The following SUMF1 variants were observed in gnomAD, a reference collection of about 807,000 sequenced individuals.
SUMF1 encodes the protein sulfatase modifying factor 1.
In SUMF1, 48 loss-of-function variants were observed where a neutral mutation model predicts 47.6. That is an observed-to-expected ratio of 1.01 (90% CI 0.80 to 1.28). The LOEUF is 1.28. SUMF1 is among the 50% of genes most tolerant of loss of function. The pLI, the probability that SUMF1 is intolerant of heterozygous loss-of-function variation, is 0.00. For missense variants in SUMF1, 571 were observed against 485.4 expected, an observed-to-expected ratio of 1.18 and a Z score of -1.66; for synonymous variants, 230 against 192.1, an observed-to-expected ratio of 1.20 and a Z score of -1.63.
At chr3:4,439,404 T>A (rs188285761) in intron 3 of SUMF1, among the ~76,000 whole-genome samples, 2 of 152,022 alleles carry the variant, frequency 1.3e-5, no homozygotes, top group East Asian at 3.9e-4. Context: ...CGCACTCCTA[T>A]AGTCCCAGCT....
intron 8 of SUMF1, among the ~76,000 whole-genome samples, chr3:4,368,754 T>A (rs964925251): frequency 2.6e-5 from 4 of 152,208 alleles, no homozygotes; most frequent in African/African-American, 7.2e-5. Context: ...CCTGACTACC[T>A]AGCAGGTATT....
At chr3:4,094,280 G>A (rs1348803726) in intron 8 of SUMF1, among the ~76,000 whole-genome samples, 2 of 151,908 alleles carry the variant, frequency 1.3e-5, no homozygotes, top group Non-Finnish European at 2.9e-5. Context: ...AGTATTTATT[G>A]GTATTTCTCC....
chr3:4,340,591 G>GT (rs1389292303), intron 8 of SUMF1, among the ~76,000 whole-genome samples: 1 of 152,188 alleles, frequency 6.6e-6, no homozygotes, highest in Non-Finnish European at 1.5e-5. Flanking sequence ...GGAGTTAGGA[G>GT]TTTGATTCTA....
In SUMF1 at chr3:4,136,433, A is replaced by G. The variant is rs1444307018; in HGVS notation, c.1015-67688T>C. Among the ~76,000 whole-genome samples, 3 of 152,120 alleles carry G rather than the reference A, an allele frequency of 2.0e-5. No individual in the cohort carries two copies. In the East Asian group the frequency reaches 5.8e-4, roughly 29 times the overall value. Reference sequence around the variant, plus strand: ...GGCTAGCCATATGTAGAAAGCTGAAACTGGATCCCTTCCTCACACCTTATA... The same window carrying G: ...GGCTAGCCATATGTAGAAAGCTGAAGCTGGATCCCTTCCTCACACCTTATA... On this transcript the variant is annotated intron_variant and NMD_transcript_variant, in intron 8 of 12. Coordinates refer to the SUMF1 transcript ENST00000448413.
chr3:4,034,872 T>G (rs1694763404), intron 9 of SUMF1, among the ~76,000 whole-genome samples: 1 of 151,888 alleles, frequency 6.6e-6, no homozygotes, highest in Non-Finnish European at 1.5e-5. Flanking sequence ...TAGGAAAAGG[T>G]ATCAGTCAGA....
intron 8 of SUMF1, among the ~76,000 whole-genome samples, chr3:4,287,030 T>C (rs1697646128): frequency 6.6e-6 from 1 of 152,202 alleles, no homozygotes; most frequent in Non-Finnish European, 1.5e-5. Flanking sequence ...TTAAGTGTCA[T>C]TTGCCTTGTA....
Position 4,284,470 on chromosome 3 carries a change from G to C in SUMF1, c.1014+91860C>G, listed in dbSNP as rs554399836. Among the ~76,000 whole-genome samples, 8 of 145,080 alleles carry C rather than the reference G, an allele frequency of 5.5e-5. 1 individual carries two copies. In the South Asian group the frequency reaches 1.8e-3, roughly 33 times the overall value. On this transcript the variant is annotated intron_variant and NMD_transcript_variant, in intron 8 of 12. Transcript: ENST00000448413. The stretch of plus-strand genomic sequence containing the variant: ...AGGAGGAGGAGGAGGAGGAGGAGGA[G>C]GAGAAGGAGGAGGAGGAGGAGAGAA...
rs142731934 is a variant in SUMF1 at position 4,096,358 on chromosome 3, G to A, written c.1015-27613C>T. 2.0e-5 allele frequency among the ~76,000 whole-genome samples: 3 copies of A among 152,180 alleles called. No homozygotes were observed. The East Asian group carries it at 5.8e-4, about 29-fold the overall frequency. ...TTAAGCAATCAAGTTCTCTATACTTGCTCCTTATAACAAAGTTGTTGCTTG... is the reference window on the plus strand; with the variant it reads ...TTAAGCAATCAAGTTCTCTATACTTACTCCTTATAACAAAGTTGTTGCTTG... On this transcript the variant is annotated intron_variant and NMD_transcript_variant, in intron 8 of 12. Transcript: ENST00000448413.
At chr3:4,167,996 G>T (rs1428225179) in intron 8 of SUMF1, among the ~76,000 whole-genome samples, 1 of 152,074 alleles carries the variant, frequency 6.6e-6, no homozygotes, top group Admixed American at 6.6e-5. Flanking sequence ...ATCCAGTTCT[G>T]TCCAGAGTCT....
chr3:4,464,590 C>G (rs1462463640), intron 1 of SUMF1, among the ~76,000 whole-genome samples: 1 of 151,962 alleles, frequency 6.6e-6, no homozygotes, highest in Non-Finnish European at 1.5e-5. Flanking sequence ...AAACAGAAAA[C>G]AAAGAGGGGA....
chr3:4,418,851 A>C (rs928824054), intron 4 of SUMF1, among the ~76,000 whole-genome samples: 1 of 152,230 alleles, frequency 6.6e-6, no homozygotes, highest in Non-Finnish European at 1.5e-5. Context: ...GGGAAAAAAA[A>C]CTGAGAAAAA....
chr3:4,369,982 A>G (rs948901140), intron 8 of SUMF1, among the ~76,000 whole-genome samples: 3 of 152,358 alleles, frequency 2.0e-5, no homozygotes, highest in African/African-American at 7.2e-5. Flanking sequence ...AGAACAAGAC[A>G]AACAAGATAG....
At position 4,180,683 on chromosome 3, in the gene SUMF1, A is replaced by AAC. The variant is rs59921396; in HGVS notation, c.1015-111940_1015-111939dup. ...ATTGTGCACATGTACCCTAGAACTT[A>AAC]ACACACACACACACACAAAATTAGC... On this transcript the variant is annotated intron_variant and NMD_transcript_variant, in intron 8 of 12. Coordinates refer to the SUMF1 transcript ENST00000448413. Among the ~76,000 whole-genome samples the AAC allele has an allele frequency of 1.9e-4, 26 of 139,734 alleles. No homozygotes were observed. The South Asian group carries it at 1.9e-3, about 10-fold the overall frequency. The allele number at this position is 139,734 out of a possible 152,430, so 91.7% of individuals were successfully genotyped here. A position where few individuals can be genotyped will look rare whatever the true frequency, so the allele number is the denominator to read the frequency against.
At chr3:4,281,740 G>T (rs182761921) in intron 8 of SUMF1, among the ~76,000 whole-genome samples, 27 of 152,166 alleles carry the variant, frequency 1.8e-4, no homozygotes, top group African/African-American at 5.8e-4. Context: ...TGAAACAATT[G>T]GAAGAGTTTA....
intron 8 of SUMF1, among the ~76,000 whole-genome samples, chr3:4,286,440 C>G (rs1420731519): frequency 6.6e-6 from 1 of 152,056 alleles, no homozygotes; most frequent in Non-Finnish European, 1.5e-5. Context: ...GTGCAACAAT[C>G]AGCGCACAGT....
Position 4,147,602 on chromosome 3 carries a change from T to C in SUMF1, c.1015-78857A>G, listed in dbSNP as rs78614394. 3.8e-4 allele frequency among the ~76,000 whole-genome samples: 58 copies of C among 152,300 alleles called. No homozygotes were observed. The East Asian group carries it at 9.5e-3, about 25-fold the overall frequency. ...GAATTTATGGTCTTTTTCTAGCCATTTTGAAAATGACAAAAGCTATGTGCC... is the reference window on the plus strand; with the variant it reads ...GAATTTATGGTCTTTTTCTAGCCATCTTGAAAATGACAAAAGCTATGTGCC... On this transcript the variant is annotated intron_variant and NMD_transcript_variant, in intron 8 of 12. Transcript: ENST00000448413.
chr3:4,449,338 A>G lies in SUMF1; in HGVS notation c.447T>C (p.Ala149=), dbSNP rs750372409. Reference sequence around the variant, plus strand: ...AGACAAAGGAGTCGCCAAACTTCTCAGCCTATAAGGAAGGTAGGAAATAAA... The same window carrying G: ...AGACAAAGGAGTCGCCAAACTTCTCGGCCTATAAGGAAGGTAGGAAATAAA... ...FVNSTGYLTE[A]EKFGDSFVFE... The change falls in exon 3 of 9, where the codon GCT becomes GCC. Residue 149 remains alanine, a splice_region_variant and synonymous_variant. Transcript: ENST00000272902. 23 of 1,614,040 alleles carry G rather than the reference A, an allele frequency of 1.4e-5. No homozygotes were observed. The highest frequency in any genetic ancestry group is 2.5e-6 in the Non-Finnish European group (3 of 1,180,002).
intron 8 of SUMF1, among the ~76,000 whole-genome samples, chr3:4,284,354 A>C (rs571875659): frequency 6.6e-6 from 1 of 151,292 alleles, no homozygotes; most frequent in East Asian, 2.0e-4. Flanking sequence ...TTGAGGCTGC[A>C]GTGAGCTGTG....
At chr3:4,267,250 AG>A (rs1173321755) in intron 8 of SUMF1, among the ~76,000 whole-genome samples, 2 of 152,282 alleles carry the variant, frequency 1.3e-5, no homozygotes, top group East Asian at 1.9e-4. Flanking sequence ...AAAATGAGTT[AG>A]GGAGGTTTCC....
Sources: allele counts gnomAD v4.1 joint callset (sites outside exome capture counted in the v4.1 genomes callset), GRCh38; gene constraint gnomAD v4.1.1; transcripts MANE v1.5; gene names NCBI Gene and HGNC (gene_info 2026-07-23, HGNC 2026-07-21).